TRERF1: variants seen among roughly 807,000 people sequenced by gnomAD.
The protein encoded by TRERF1 is transcriptional regulating factor 1.
TRERF1 carries 27 observed loss-of-function variants against 122.9 expected under a neutral mutation model. That is an observed-to-expected ratio of 0.22 (90% CI 0.16 to 0.30). The LOEUF (loss-of-function observed/expected upper bound fraction) is 0.30, where lower values mean the gene tolerates loss of function less well. TRERF1 is among the 10% of genes least tolerant of loss of function. The pLI is 1.00. For synonymous variants in TRERF1, 636 were observed against 641.7 expected, an observed-to-expected ratio of 0.99 and a Z score of 0.13; for missense variants, 1,248 against 1,560.3, an observed-to-expected ratio of 0.80 and a Z score of 3.37.
At position 42,370,269 on chromosome 6, in the gene TRERF1, A is replaced by C. The variant is rs73430823; in HGVS notation, c.-453-7190T>G. 8.0e-3 allele frequency among the ~76,000 whole-genome samples: 1,212 copies of C among 152,346 alleles called. 22 individuals carry two copies. Among genetic ancestry groups the C allele is most frequent in the African/African-American group, 0.027 (1,141 of 41,582 alleles). On this transcript the variant is annotated intron_variant, in intron 2 of 17. Coordinates refer to ENST00000372922, the Ensembl canonical transcript of TRERF1. ...CTGATTTGCTTCTGTATTTATAAAA[A>C]CACAAAAAATTGTCTGGGAAGTATG...
intron 2 of TRERF1, among the ~76,000 whole-genome samples, chr6:42,395,283 T>C (rs1478814045): frequency 6.6e-6 from 1 of 152,076 alleles, no homozygotes; most frequent in Non-Finnish European, 1.5e-5. Context: ...CCCACCCACC[T>C]CCCAACACCC....
Position 42,361,212 on chromosome 6 carries a change from C to T in TRERF1, c.-371+1785G>A, listed in dbSNP as rs146107050. Among the ~76,000 whole-genome samples, 91 of 152,314 alleles carry T rather than the reference C, an allele frequency of 6.0e-4. 1 individual carries two copies. In the East Asian group the frequency reaches 0.016, roughly 26 times the overall value. ...AAGGACACAAGAAGTTGTCAGTCTG[C>T]AACGTGAAAGCAACCCTCACCAGAA... is the stretch of plus-strand genomic sequence containing the variant. On this transcript the variant is annotated intron_variant, in intron 3 of 17. Transcript: ENST00000372922.
intron 2 of TRERF1, among the ~76,000 whole-genome samples, chr6:42,419,540 C>T (rs1782454484): frequency 1.3e-5 from 2 of 152,080 alleles, no homozygotes. Context: ...AACCTCAGCA[C>T]CTTACTATAC....
intron 2 of TRERF1, among the ~76,000 whole-genome samples, chr6:42,385,275 C>T (rs904100581): frequency 5.3e-5 from 8 of 152,148 alleles, no homozygotes; most frequent in Non-Finnish European, 8.8e-5. Flanking sequence ...CTGCACCCGA[C>T]CTGATCCTGG....
rs776700719 is a variant in TRERF1 at position 42,256,881 on chromosome 6, G to C, written c.2477-50C>G. On this transcript the variant is annotated intron_variant, in intron 11 of 17. Transcript: ENST00000372922. Reference sequence around the variant, plus strand: ...TGCATCAGAGAGAGCTGAGTGTAATGGAAAACACACCAATCCCAGAGCCAG... The same window carrying C: ...TGCATCAGAGAGAGCTGAGTGTAATCGAAAACACACCAATCCCAGAGCCAG... The C allele has an allele frequency of 9.9e-6, 16 of 1,613,178 alleles. 1 individual carries two copies. In the South Asian group the frequency reaches 1.5e-4, roughly 16 times the overall value.
chr6:42,307,384 C>T (rs1435238941), intron 3 of TRERF1, among the ~76,000 whole-genome samples: 1 of 152,202 alleles, frequency 6.6e-6, no homozygotes, highest in South Asian at 2.1e-4. Flanking sequence ...TTCTGAAATA[C>T]ACTTAAATAT....
At chr6:42,396,412 T>C (rs1474560654) in intron 2 of TRERF1, among the ~76,000 whole-genome samples, 1 of 151,708 alleles carries the variant, frequency 6.6e-6, no homozygotes, top group Non-Finnish European at 1.5e-5. Flanking sequence ...CAAATAAAAG[T>C]GAGATATGCA....
At chr6:42,299,034 A>G (rs1186081776) in intron 4 of TRERF1, among the ~76,000 whole-genome samples, 1 of 152,002 alleles carries the variant, frequency 6.6e-6, no homozygotes, top group Non-Finnish European at 1.5e-5. Flanking sequence ...TGAGCCCAGG[A>G]GTTTGAAGCT....
intron 10 of TRERF1, 150 bp from the exon 11 acceptor site, chr6:42,257,252 CA>C: frequency 1.0e-6 from 1 of 974,418 alleles, no homozygotes; most frequent in Non-Finnish European, 1.5e-6. Flanking sequence ...TAAGATTCCA[CA>C]CGTGGCCTTT....
At chr6:42,354,071 G>T (rs140425139) in intron 3 of TRERF1, among the ~76,000 whole-genome samples, 1 of 152,228 alleles carries the variant, frequency 6.6e-6, no homozygotes, top group Non-Finnish European at 1.5e-5. Context: ...GGGTCTCAGT[G>T]TAAGAGCTGG....
At chr6:42,430,370 A>G (rs1396352259) in intron 2 of TRERF1, among the ~76,000 whole-genome samples, 1 of 152,212 alleles carries the variant, frequency 6.6e-6, no homozygotes, top group Non-Finnish European at 1.5e-5. Flanking sequence ...CAAAATCAGT[A>G]TTAGACCATC....
chr6:42,407,478 A>G (rs945489251), intron 2 of TRERF1, among the ~76,000 whole-genome samples: 1 of 152,026 alleles, frequency 6.6e-6, no homozygotes, highest in Admixed American at 6.6e-5. Flanking sequence ...ATTCCATAAA[A>G]CCGGCTCGAC....
intron 2 of TRERF1, among the ~76,000 whole-genome samples, chr6:42,376,536 C>CT (rs781389630): frequency 0.038 from 3,612 of 96,266 alleles, 118 homozygotes; most frequent in African/African-American, 0.064. Flanking sequence ...TCGTCTAATT[C>CT]TTTTTTTTTT....
At chr6:42,311,006 G>C (rs143601438) in intron 3 of TRERF1, among the ~76,000 whole-genome samples, 2 of 152,126 alleles carry the variant, frequency 1.3e-5, no homozygotes, top group African/African-American at 4.8e-5. Context: ...TAGGTGTAGA[G>C]ATATATCACT....
At chr6:42,445,823 T>C (rs1381539114) in intron 2 of TRERF1, among the ~76,000 whole-genome samples, 1 of 152,224 alleles carries the variant, frequency 6.6e-6, no homozygotes, top group African/African-American at 2.4e-5. Flanking sequence ...GTGCTCTGCC[T>C]TTCTCTGCTC....
Position 42,232,550 on chromosome 6 carries a change from G to T in TRERF1, c.3278+131C>A. 1.7e-6 allele frequency: 2 copies of T among 1,203,264 alleles called. No homozygotes were observed. Among genetic ancestry groups the T allele is most frequent in the Non-Finnish European group, 2.3e-6 (2 of 884,056 alleles). The allele number at this position is 1,203,264 out of a possible 1,614,324, so 74.5% of individuals were successfully genotyped here. On this transcript the variant is annotated intron_variant, in intron 17 of 17. Transcript: ENST00000372922. This position sits in a 1 kb window ranked among gnomAD's most constrained non-coding sequence, Gnocchi z 4.5. ...AGGACTACATACCCATCCCAAAGAT[G>T]ACACGAAGAAGAGTTTTGAGGTCTA...
intron 4 of TRERF1, among the ~76,000 whole-genome samples, chr6:42,272,408 G>C (rs574133314): frequency 2.0e-5 from 3 of 152,192 alleles, no homozygotes; most frequent in Non-Finnish European, 4.4e-5. Context: ...GATGCTGGGC[G>C]TGAGAGTGCT....
At chr6:42,391,843 C>T (rs1777790238) in intron 2 of TRERF1, among the ~76,000 whole-genome samples, 1 of 152,124 alleles carries the variant, frequency 6.6e-6, no homozygotes, top group South Asian at 2.1e-4. Flanking sequence ...CTCGATGTGT[C>T]TTCTGGAATC....
At chr6:42,410,651 C>T (rs1435810944) in intron 2 of TRERF1, among the ~76,000 whole-genome samples, 1 of 152,142 alleles carries the variant, frequency 6.6e-6, no homozygotes, top group Non-Finnish European at 1.5e-5. Context: ...CCTCCATCAC[C>T]ACATTCATTT....
Sources: allele counts gnomAD v4.1 joint callset (sites outside exome capture counted in the v4.1 genomes callset), GRCh38; gene constraint gnomAD v4.1.1; non-coding constraint Gnocchi (gnomAD v3.1); transcripts MANE v1.5; gene names NCBI Gene and HGNC (gene_info 2026-07-23, HGNC 2026-07-21).